RAB6A: variants seen among roughly 807,000 people sequenced by gnomAD.
RAB6A encodes the protein ras-related protein Rab-6A.
Under a neutral mutation model 32.3 loss-of-function variants are expected in RAB6A, and 8 were observed. That is an observed-to-expected ratio of 0.25 (90% CI 0.15 to 0.45). The LOEUF (loss-of-function observed/expected upper bound fraction) is 0.45. RAB6A is among the 20% of genes least tolerant of loss of function. The pLI, the probability that RAB6A is intolerant of heterozygous loss-of-function variation, is 1.00. For missense variants in RAB6A, 104 were observed against 249.4 expected, an observed-to-expected ratio of 0.42 and a Z score of 3.93; for synonymous variants, 73 against 82.1, an observed-to-expected ratio of 0.89 and a Z score of 0.60.
chr11:73,698,847 CG>C (rs1322117660), intron 6 of RAB6A, among the ~76,000 whole-genome samples: 1 of 126,134 alleles, frequency 7.9e-6, no homozygotes, highest in Non-Finnish European at 1.7e-5. Flanking sequence ...ACTTTTTTTG[CG>C]ATTTTTTTTT....
rs1204770272 is a variant in RAB6A, at chr11:73,722,305, GTATA to G, written c.130-1410_130-1407del. ...AAAATTCAAATATATATGTGTGTGTGTATATATATATATATATATATATATATAT... is the reference window on the plus strand; with the variant it reads ...AAAATTCAAATATATATGTGTGTGTGTATATATATATATATATATATATAT... On this transcript the variant is annotated intron_variant, in intron 2 of 7. Coordinates refer to ENST00000336083, the MANE Select transcript of RAB6A (RefSeq NM_198896.2). 7.1e-3 allele frequency: 299 copies of G among 42,214 alleles called. 6 individuals carry two copies. The highest frequency in any genetic ancestry group is 0.014 in the Middle Eastern group (1 of 70). 2.6% of individuals were successfully genotyped at this position (42,214 alleles called of 1,614,324 possible). A position where few individuals can be genotyped will look rare whatever the true frequency, so the allele number is the denominator to read the frequency against.
chr11:73,701,910 C>T (rs929078993), intron 6 of RAB6A, among the ~76,000 whole-genome samples: 1 of 152,058 alleles, frequency 6.6e-6, no homozygotes, highest in Non-Finnish European at 1.5e-5. Flanking sequence ...CTCCCAAAAG[C>T]GCTGGGAATA....
rs780727957 is a variant in RAB6A, at chr11:73,734,568, G to A, written c.71-3745C>T. On this transcript the variant is annotated intron_variant, in intron 1 of 7. Coordinates refer to ENST00000336083, the MANE Select transcript of RAB6A (RefSeq NM_198896.2). ...TCTGTGGGAGTTGGGGAGGAGGAAC[G>A]GTGGATGGTTTCAGGATGAAACTGT... Among the ~76,000 whole-genome samples the A allele has an allele frequency of 3.3e-5, 5 of 152,174 alleles. No individual in the cohort carries two copies. In the East Asian group the frequency reaches 5.8e-4, roughly 18 times the overall value.
intron 1 of RAB6A, among the ~76,000 whole-genome samples, chr11:73,739,873 C>A (rs1946467023): frequency 6.6e-6 from 1 of 151,984 alleles, no homozygotes; most frequent in African/African-American, 2.4e-5. Context: ...CCCTGGCTAA[C>A]ACAGTGAAAC....
intron 1 of RAB6A, 132 bp downstream of exon 1, chr11:73,760,434 C>G: frequency 8.1e-7 from 1 of 1,241,834 alleles, no homozygotes; most frequent in South Asian, 1.6e-5. Context: ...GGGGGCACAT[C>G]GGGAAGGGCT....
intron 2 of RAB6A, among the ~76,000 whole-genome samples, chr11:73,721,266 A>T (rs1946129362): frequency 6.6e-6 from 1 of 152,226 alleles, no homozygotes; most frequent in Admixed American, 6.5e-5. Context: ...TTCTCCACTC[A>T]GAATGGTAAG....
At position 73,760,845 on chromosome 11, in the gene RAB6A, G is replaced by C. The variant is rs569294477; in HGVS notation, c.-210C>G. On this transcript the variant is annotated 5_prime_UTR_variant, in exon 1 of 8. Transcript: ENST00000336083. ...CCTCCCGGCAGAGTAGCCTAGCACC[G>C]AGCGAGGCCCGCGGCTGGGAAGGGA... 157 of 579,806 alleles carry C rather than the reference G, an allele frequency of 2.7e-4. No homozygotes were observed. The Middle Eastern group carries it at 3.0e-3, about 11-fold the overall frequency. The allele number at this position is 579,806 out of a possible 1,614,324, so 35.9% of individuals were successfully genotyped here. A position where few individuals can be genotyped will look rare whatever the true frequency, so the allele number is the denominator to read the frequency against.
chr11:73,727,570 T>C (rs1437442134), intron 2 of RAB6A, among the ~76,000 whole-genome samples: 7 of 152,116 alleles, frequency 4.6e-5, no homozygotes, highest in Non-Finnish European at 8.8e-5. Flanking sequence ...AACTACTAAA[T>C]GGTAGAACTA....
chr11:73,709,956 T>TAC (rs1945921648), intron 5 of RAB6A, among the ~76,000 whole-genome samples: 1 of 61,138 alleles, frequency 1.6e-5, no homozygotes, highest in Admixed American at 2.2e-4. Context: ...CACACATATA[T>TAC]ATATATTTTT....
chr11:73,685,635 T>C (rs1162841778), intron 6 of RAB6A, among the ~76,000 whole-genome samples: 3 of 127,382 alleles, frequency 2.4e-5, no homozygotes, highest in African/African-American at 9.6e-5. Flanking sequence ...TCCCAGGACT[T>C]TGGGAGGCCA....
At chr11:73,719,950 C>T (rs1459968577) in intron 3 of RAB6A, among the ~76,000 whole-genome samples, 1 of 149,856 alleles carries the variant, frequency 6.7e-6, no homozygotes, top group East Asian at 2.0e-4. Context: ...TGCTATATAT[C>T]AAAACATAAA....
At chr11:73,683,462 T>C in intron 6 of RAB6A, among the ~76,000 whole-genome samples, 1 of 151,716 alleles carries the variant, frequency 6.6e-6, no homozygotes, top group East Asian at 1.9e-4. Flanking sequence ...TTTGCCATGT[T>C]ACCCAGGGTG....
intron 1 of RAB6A, among the ~76,000 whole-genome samples, chr11:73,751,802 C>T (rs1340708007): frequency 6.6e-6 from 1 of 152,160 alleles, no homozygotes; most frequent in Non-Finnish European, 1.5e-5. Flanking sequence ...AGATTCTCTC[C>T]AGCAGTGCAC....
intron 6 of RAB6A, among the ~76,000 whole-genome samples, chr11:73,692,969 CAAAACA>C (rs1945599030): frequency 4.6e-5 from 2 of 43,204 alleles, no homozygotes; most frequent in Admixed American, 6.5e-4. Flanking sequence ...AAAAACAAAA[CAAAACA>C]AAACAAAAAA....
chr11:73,711,674 G>A (rs913268853), intron 5 of RAB6A, among the ~76,000 whole-genome samples: 1 of 152,132 alleles, frequency 6.6e-6, no homozygotes, highest in Non-Finnish European at 1.5e-5. Context: ...GCTAAATGTC[G>A]ATATTAGATA....
intron 6 of RAB6A, among the ~76,000 whole-genome samples, chr11:73,680,940 A>G (rs911218334): frequency 5.9e-5 from 9 of 152,228 alleles, no homozygotes; most frequent in African/African-American, 1.9e-4. Flanking sequence ...ATATGAGAAC[A>G]GATACTGGAA....
In RAB6A at chr11:73,760,615, G is replaced by T. The variant is rs767324950; in HGVS notation, c.21C>A (p.Phe7Leu). The change falls in exon 1 of 8, where the codon TTC becomes TTA. Residue 7 changes from phenylalanine to leucine, a missense_variant. Around this residue, in one of 4 missense-constraint regions of RAB6A, gnomAD observed 48 missense variants for 155.2 expected, o/e 0.31. Transcript: ENST00000336083. ...GCTTGAATTTCCTCAGCGGATTCCC[G>T]AAGTCTCCGCCCGTGGACATTGTGG... MSTGGD[F>L]GNPLRKFKLV... is the part of the protein sequence containing the mutation. The T allele has an allele frequency of 1.2e-6, 2 of 1,611,164 alleles. No homozygotes were observed. The highest frequency in any genetic ancestry group is 1.7e-5 in the Admixed American group (1 of 59,680).
At position 73,719,922 on chromosome 11, in the gene RAB6A, A is replaced by C. The variant is rs544435495; in HGVS notation, c.183+924T>G. ...TGAGCCACCACACCTGGCCGCTTTC[A>C]AATTTTAAGAAATGACATGCTATAT... On this transcript the variant is annotated intron_variant, in intron 3 of 7. Transcript: ENST00000336083. 1.1e-4 allele frequency among the ~76,000 whole-genome samples: 17 copies of C among 151,878 alleles called. No homozygotes were observed. In the East Asian group the frequency reaches 3.3e-3, roughly 30 times the overall value.
At chr11:73,759,976 C>A in intron 1 of RAB6A, 2 of 1,233,554 alleles carry the variant, frequency 1.6e-6, no homozygotes, top group Non-Finnish European at 2.1e-6. Flanking sequence ...TCAGATGTTT[C>A]CTCTATGGCC....
Sources: allele counts gnomAD v4.1 joint callset (sites outside exome capture counted in the v4.1 genomes callset), GRCh38; gene constraint gnomAD v4.1.1; regional missense constraint gnomAD v4.1.1; transcripts MANE v1.5; gene names NCBI Gene and HGNC (gene_info 2026-07-23, HGNC 2026-07-21).